Variants in CPEB1 observed in about 807,000 individuals in gnomAD.
The protein encoded by CPEB1 is cytoplasmic polyadenylation element binding protein 1, also known as cytoplasmic polyadenylation element-binding protein 1.
A neutral mutation model predicts 65.8 loss-of-function variants in CPEB1; 7 were observed. The observed-to-expected ratio is 0.11, with a 90% confidence interval of 0.06 to 0.20. CPEB1 has a LOEUF of 0.20. Ranked by LOEUF, CPEB1 falls within the 10% of genes least tolerant of loss-of-function variation. CPEB1 has a pLI of 1.00. For missense variants in CPEB1, 551 were observed against 712.2 expected, an observed-to-expected ratio of 0.77 and a Z score of 2.58; for synonymous variants, 262 against 260.0, an observed-to-expected ratio of 1.01 and a Z score of -0.08.
intron 1 of CPEB1, among the ~76,000 whole-genome samples, chr15:82,641,131 T>C (rs1057292275): frequency 2.0e-5 from 3 of 152,080 alleles, no homozygotes; most frequent in South Asian, 2.1e-4. Context: ...GAAAAGAGGA[T>C]GTCAGAGATT....
In CPEB1 at chr15:82,609,531, A is replaced by C. The variant is rs1012913445; in HGVS notation, c.271+17662T>G. 4.6e-5 allele frequency among the ~76,000 whole-genome samples: 7 copies of C among 152,058 alleles called. No individual in the cohort carries two copies. The East Asian group carries it at 1.4e-3, about 29-fold the overall frequency. The stretch of plus-strand genomic sequence containing the variant: ...AAAAAAAATAATAACAATAGTAATT[A>C]AATATCAATAACCTAACATTCTACC... On this transcript the variant is annotated intron_variant, in intron 3 of 12. Coordinates refer to ENST00000684509, the MANE Select transcript of CPEB1 (RefSeq NM_001365242.1).
chr15:82,549,321 A>G, intron 10 of CPEB1, 139 bp downstream of exon 10: 1 of 787,252 alleles, frequency 1.3e-6, no homozygotes, highest in Non-Finnish European at 2.1e-6. Flanking sequence ...TTGTCTAGAA[A>G]AAGATATTAT....
chr15:82,618,458 G>A (rs949517542), intron 3 of CPEB1, among the ~76,000 whole-genome samples: 2 of 152,094 alleles, frequency 1.3e-5, no homozygotes, highest in African/African-American at 2.4e-5. Context: ...CAGACTTCCT[G>A]GTTCCTATAG....
chr15:82,568,184 C>T (rs1433560761), intron 4 of CPEB1, among the ~76,000 whole-genome samples: 1 of 152,152 alleles, frequency 6.6e-6, no homozygotes, highest in Non-Finnish European at 1.5e-5. Context: ...TTTGTAACCT[C>T]CATGAGCCTA....
intron 10 of CPEB1, chr15:82,548,652 C>T: frequency 2.2e-6 from 1 of 452,246 alleles, no homozygotes; most frequent in South Asian, 1.6e-5. Context: ...TGAACCTCTC[C>T]TAGCCCTTAG....
chr15:82,628,717 G>T, intron 1 of CPEB1, 161 bp from the exon 2 acceptor site: 1 of 448,972 alleles, frequency 2.2e-6, no homozygotes. Flanking sequence ...CCACCCCTGA[G>T]AGAGCAAGAC....
chr15:82,633,832 A>G (rs1159487385), intron 1 of CPEB1, among the ~76,000 whole-genome samples: 2 of 152,196 alleles, frequency 1.3e-5, no homozygotes, highest in East Asian at 1.9e-4. Context: ...CTCCTCCACA[A>G]AGGAAAATCC....
chr15:82,576,894 G>A (rs1351193012), intron 3 of CPEB1, among the ~76,000 whole-genome samples: 3 of 152,210 alleles, frequency 2.0e-5, no homozygotes, highest in African/African-American at 4.8e-5. Context: ...CATGGTGGGT[G>A]CACACTTGTA....
At chr15:82,618,483 C>T (rs185000870) in intron 3 of CPEB1, among the ~76,000 whole-genome samples, 115 of 152,228 alleles carry the variant, frequency 7.6e-4, no homozygotes, top group African/African-American at 2.7e-3. Context: ...CTGGCAGTTG[C>T]CTAGATCCAA....
chr15:82,548,151 A>G (rs2035601148), intron 10 of CPEB1, among the ~76,000 whole-genome samples: 1 of 152,090 alleles, frequency 6.6e-6, no homozygotes, highest in Admixed American at 6.5e-5. Context: ...CCTGGCTAAC[A>G]TGGTGAAACC....
At chr15:82,611,380 C>T (rs913228318) in intron 3 of CPEB1, among the ~76,000 whole-genome samples, 3 of 152,048 alleles carry the variant, frequency 2.0e-5, no homozygotes, top group African/African-American at 7.2e-5. Context: ...GACTTGGACA[C>T]TGAAAACTGT....
intron 10 of CPEB1, among the ~76,000 whole-genome samples, 185 bp from the exon 11 acceptor site, chr15:82,547,422 G>A (rs1466282304): frequency 4.2e-5 from 6 of 143,046 alleles, no homozygotes; most frequent in Admixed American, 1.4e-4. Flanking sequence ...TCAGCCTCCC[G>A]AGTAGCTGGG....
chr15:82,607,599 CAAAGACACA>C (rs557052069), intron 3 of CPEB1, among the ~76,000 whole-genome samples: 14 of 151,954 alleles, frequency 9.2e-5, no homozygotes, highest in Admixed American at 5.2e-4. Flanking sequence ...AGGAAAAAAA[CAAAGACACA>C]AAAGACACAA....
chr15:82,556,290 T>A, intron 5 of CPEB1, 168 bp from the exon 6 acceptor site: 1 of 706,026 alleles, frequency 1.4e-6, no homozygotes, highest in Non-Finnish European at 2.2e-6. Flanking sequence ...ATACTATAAT[T>A]TAAACAAATG....
chr15:82,624,958 C>G (rs984409711), intron 3 of CPEB1, among the ~76,000 whole-genome samples: 1 of 152,264 alleles, frequency 6.6e-6, no homozygotes, highest in Non-Finnish European at 1.5e-5. Context: ...CCACTTCACC[C>G]TCCAAGTAGC....
chr15:82,554,074 T>C lies in CPEB1; in HGVS notation c.941-83A>G, dbSNP rs2036766208. ...TCTTCCCTGGGGTGAACTTGTCCAG[T>C]AAGAACCTGACTGGCCACAATCCTT... On this transcript the variant is annotated intron_variant, in intron 6 of 12. Transcript: ENST00000684509. 9.0e-6 allele frequency: 7 copies of C among 776,330 alleles called. No homozygotes were observed. The South Asian group carries it at 1.3e-4, about 15-fold the overall frequency. The allele number at this position is 776,330 out of a possible 1,614,324, so 48.1% of individuals were successfully genotyped here. A position where few individuals can be genotyped will look rare whatever the true frequency, so the allele number is the denominator to read the frequency against.
At position 82,543,777 on chromosome 15, in the gene CPEB1, C is replaced by T. The variant is rs916239870; in HGVS notation, c.*815G>A. The T allele has an allele frequency of 4.6e-5, 7 of 152,172 alleles. No individual in the cohort carries two copies. Among genetic ancestry groups the T allele is most frequent in the South Asian group, 2.1e-4 (1 of 4,796 alleles). The allele number at this position is 152,172 out of a possible 1,614,324, so 9.4% of individuals were successfully genotyped here. A position where few individuals can be genotyped will look rare whatever the true frequency, so the allele number is the denominator to read the frequency against. The stretch of plus-strand genomic sequence containing the variant: ...ACCATTTAAAACTATATACAGCAGC[C>T]GCTCAAACACCGTTTATCCGGTCCA... On this transcript the variant is annotated 3_prime_UTR_variant, in exon 13 of 13. Transcript: ENST00000684509.
intron 3 of CPEB1, among the ~76,000 whole-genome samples, chr15:82,592,953 C>T (rs915039919): frequency 3.3e-5 from 5 of 152,060 alleles, no homozygotes; most frequent in Admixed American, 6.6e-5. Context: ...GCCAAGATTG[C>T]GCTGCTACAC....
intron 1 of CPEB1, among the ~76,000 whole-genome samples, chr15:82,636,803 G>C (rs2046696775): frequency 6.6e-6 from 1 of 152,118 alleles, no homozygotes; most frequent in Admixed American, 6.5e-5. Flanking sequence ...CCTGTCATAG[G>C]TATTTTTACC....
Sources: gnomAD v4.1 joint callset for allele counts (sites outside exome capture counted in the v4.1 genomes callset) on GRCh38, gnomAD v4.1.1 for gene constraint, MANE v1.5 for transcripts, NCBI Gene and HGNC (gene_info 2026-07-23, HGNC 2026-07-21) for gene names.